Variants in MYO1B observed in about 807,000 individuals in gnomAD.
The protein encoded by MYO1B is myosin IB.
MYO1B carries 72 observed loss-of-function variants against 159.7 expected under a neutral mutation model. The ratio of observed to expected loss-of-function variants is 0.45; its 90% confidence interval spans 0.37 to 0.55. The LOEUF is 0.55. MYO1B is among the 20% of genes least tolerant of loss of function. The pLI is 0.00. For synonymous variants in MYO1B, 468 were observed against 473.8 expected, an observed-to-expected ratio of 0.99 and a Z score of 0.16; for missense variants, 1,062 against 1,364.8, an observed-to-expected ratio of 0.78 and a Z score of 3.50.
intron 1 of MYO1B, among the ~76,000 whole-genome samples, chr2:191,261,742 C>T (rs1399670941): frequency 6.6e-6 from 1 of 152,134 alleles, no homozygotes; most frequent in Non-Finnish European, 1.5e-5. Flanking sequence ...CTCTTTAGAA[C>T]CTCACTGTTC....
At chr2:191,370,980 T>C (rs1424833124) in intron 13 of MYO1B, 1 of 152,228 alleles carries the variant, frequency 6.6e-6, no homozygotes, top group Non-Finnish European at 1.5e-5. Flanking sequence ...TAGAATGATA[T>C]AGAGAAGATG....
intron 1 of MYO1B, among the ~76,000 whole-genome samples, chr2:191,275,754 CT>C (rs1161151522): frequency 6.6e-6 from 1 of 152,224 alleles, no homozygotes; most frequent in African/African-American, 2.4e-5. Context: ...ATAAAACTGG[CT>C]TCTACATTAG....
At chr2:191,369,457 T>G in intron 11 of MYO1B, 85 bp from the exon 12 acceptor site, 1 of 1,027,170 alleles carries the variant, frequency 9.7e-7, no homozygotes, top group Non-Finnish European at 1.5e-6. Context: ...CTTCAAATAT[T>G]TTTTAAAAGT....
chr2:191,330,087 C>A, intron 4 of MYO1B, 58 bp downstream of exon 4: 1 of 1,471,690 alleles, frequency 6.8e-7, no homozygotes, highest in Non-Finnish European at 9.4e-7. Flanking sequence ...ATGACAACAG[C>A]AAAGAGGACC....
intron 1 of MYO1B, among the ~76,000 whole-genome samples, chr2:191,247,798 A>C (rs947865726): frequency 1.3e-5 from 2 of 152,248 alleles, no homozygotes; most frequent in African/African-American, 2.4e-5. Flanking sequence ...AGATAGCAGA[A>C]TCCTAAGTGG....
In MYO1B at chr2:191,383,261, G is replaced by C. The variant is rs761964477; in HGVS notation, c.1291-19G>C. On this transcript the variant is annotated intron_variant, in intron 14 of 30. Transcript: ENST00000392318. ...GCTTCATCTTGTGTCATTGGATTTT[G>C]TTCTGTTTTGTCTTTTAGGATATAG... 2.6e-6 allele frequency: 4 copies of C among 1,525,794 alleles called. No homozygotes were observed. Among genetic ancestry groups the C allele is most frequent in the Admixed American group, 1.9e-5 (1 of 51,544 alleles). 94.5% of individuals were successfully genotyped at this position (1,525,794 alleles called of 1,614,324 possible). A position where few individuals can be genotyped will look rare whatever the true frequency, so the allele number is the denominator to read the frequency against.
intron 3 of MYO1B, among the ~76,000 whole-genome samples, chr2:191,304,824 T>A (rs569154858): frequency 1.7e-4 from 26 of 152,304 alleles, no homozygotes; most frequent in Non-Finnish European, 2.2e-4. Flanking sequence ...CAATTAGAGT[T>A]TATATCCCTT....
At chr2:191,393,558 G>A (rs1426043617) in intron 20 of MYO1B, among the ~76,000 whole-genome samples, 9 of 152,200 alleles carry the variant, frequency 5.9e-5, no homozygotes, top group Admixed American at 5.9e-4. Context: ...GATTGGAAGA[G>A]ACAATATCCT....
intron 3 of MYO1B, among the ~76,000 whole-genome samples, chr2:191,303,646 G>A (rs187902482): frequency 3.2e-4 from 49 of 152,002 alleles, no homozygotes; most frequent in African/African-American, 1.2e-3. Flanking sequence ...AGTCAAGATT[G>A]TACACACCAT....
chr2:191,385,043 G>A (rs1418664195), intron 15 of MYO1B, among the ~76,000 whole-genome samples: 3 of 152,172 alleles, frequency 2.0e-5, no homozygotes, highest in African/African-American at 7.2e-5. Flanking sequence ...ACTTTGCCTG[G>A]GTGGAAGTAG....
intron 3 of MYO1B, among the ~76,000 whole-genome samples, chr2:191,328,930 G>A (rs1691282328): frequency 6.6e-6 from 1 of 152,036 alleles, no homozygotes; most frequent in Admixed American, 6.6e-5. Flanking sequence ...CTTTATCATT[G>A]GGCTTAATGT....
chr2:191,408,997 T>C (rs934558305), intron 25 of MYO1B, 47 bp from the exon 26 acceptor site: 2 of 1,565,790 alleles, frequency 1.3e-6, no homozygotes, highest in Admixed American at 3.9e-5. Flanking sequence ...ACAGTGTCTT[T>C]TGTGGTATAT....
intron 6 of MYO1B, among the ~76,000 whole-genome samples, chr2:191,348,565 G>A (rs1692716009): frequency 6.7e-6 from 1 of 150,070 alleles, no homozygotes; most frequent in Non-Finnish European, 1.5e-5. Context: ...TGTACACTGA[G>A]TGGCCTGGGC....
intron 4 of MYO1B, among the ~76,000 whole-genome samples, chr2:191,334,309 AAC>A (rs1488249029): frequency 6.6e-6 from 1 of 152,058 alleles, no homozygotes. Context: ...GAGAGTTCTT[AAC>A]ACTACTACTT....
intron 14 of MYO1B, among the ~76,000 whole-genome samples, chr2:191,382,829 A>G (rs994325737): frequency 1.3e-5 from 2 of 152,142 alleles, no homozygotes; most frequent in African/African-American, 4.8e-5. Context: ...CCTACAACAC[A>G]AGATTGACTC....
At chr2:191,300,638 C>CTTTTTTTTTT (rs1559151212) in intron 3 of MYO1B, among the ~76,000 whole-genome samples, 1 of 3,236 alleles carries the variant, frequency 3.1e-4, no homozygotes, top group African/African-American at 7.8e-4. Flanking sequence ...CTGTGCGCAG[C>CTTTTTTTTTT]CTTTTTTTTT....
At chr2:191,361,585 A>G (rs1693675446) in intron 8 of MYO1B, among the ~76,000 whole-genome samples, 2 of 150,478 alleles carry the variant, frequency 1.3e-5, no homozygotes, top group South Asian at 4.2e-4. Flanking sequence ...ATATTATTAT[A>G]TATGTAGATA....
chr2:191,249,181 C>G (rs1685968136), intron 1 of MYO1B, among the ~76,000 whole-genome samples: 2 of 152,132 alleles, frequency 1.3e-5, no homozygotes, highest in Admixed American at 6.5e-5. Context: ...GAACATTGCA[C>G]TTTGCTTCTT....
At chr2:191,414,722 A>G in intron 29 of MYO1B, 53 bp downstream of exon 29, 1 of 1,553,134 alleles carries the variant, frequency 6.4e-7, no homozygotes, top group East Asian at 2.3e-5. Flanking sequence ...ATTGATTTAA[A>G]AAATTTCCAT....
Sources: allele counts gnomAD v4.1 joint callset (sites outside exome capture counted in the v4.1 genomes callset), GRCh38; gene constraint gnomAD v4.1.1; transcripts MANE v1.5; gene names NCBI Gene and HGNC (gene_info 2026-07-23, HGNC 2026-07-21).